Variants in LEKR1 observed in about 807,000 individuals in gnomAD.
LEKR1 encodes the protein protein LEKR1.
Under a neutral mutation model 72.4 loss-of-function variants are expected in LEKR1, and 59 were observed. That is an observed-to-expected ratio of 0.82 (90% CI 0.66 to 1.01). The LOEUF (loss-of-function observed/expected upper bound fraction) is 1.01, where lower values mean the gene tolerates loss of function less well. Among genes scored for constraint, LEKR1 ranks in the 50% least tolerant of loss-of-function variants. LEKR1 has a pLI of 0.00. For synonymous variants in LEKR1, 257 were observed against 263.2 expected (o/e 0.98, Z 0.23); for missense variants, 728 against 759.2 (o/e 0.96, Z 0.48).
At chr3:156,871,710 C>T (rs1009600377) in intron 3 of LEKR1, among the ~76,000 whole-genome samples, 21 of 151,874 alleles carry the variant, frequency 1.4e-4, no homozygotes, top group South Asian at 1.0e-3. Context: ...ATGGCCAGTC[C>T]TTCATTCTTT....
Position 156,840,495 on chromosome 3 carries a change from A to G in LEKR1, c.48+11118A>G, listed in dbSNP as rs190252454. ...ACTTAAATTGTGAGTTATAACCTCA[A>G]ACTTTATCATCAATCTTTCGGGTTT... On this transcript the variant is annotated intron_variant, in intron 2 of 12. Transcript: ENST00000356539. 3.6e-3 allele frequency among the ~76,000 whole-genome samples: 542 copies of G among 152,376 alleles called. 5 individuals are homozygous for G. Among genetic ancestry groups the G allele is most frequent in the African/African-American group, 0.012 (515 of 41,588 alleles).
At chr3:156,855,605 A>T (rs1245837072) in intron 3 of LEKR1, among the ~76,000 whole-genome samples, 2 of 152,128 alleles carry the variant, frequency 1.3e-5, no homozygotes, top group East Asian at 1.9e-4. Context: ...TCTTTTAAAA[A>T]TTTTAATAAT....
intron 12 of LEKR1, among the ~76,000 whole-genome samples, chr3:157,036,269 CAA>C (rs527430730): frequency 5.3e-4 from 80 of 151,242 alleles, no homozygotes; most frequent in Non-Finnish European, 9.7e-4. Flanking sequence ...GAAAAAAGAA[CAA>C]GAGTGAATAT....
rs141879071 is a variant in LEKR1 at position 156,860,807 on chromosome 3, T to C, written c.263+7825T>C. On this transcript the variant is annotated intron_variant, in intron 3 of 12. Transcript: ENST00000356539. ...AGAAAGGGTATGGGCAGCTTAGTGA[T>C]GTCACCAGGAACTCAATCCCTTTCT... 1.7e-3 allele frequency among the ~76,000 whole-genome samples: 261 copies of C among 152,298 alleles called. 7 individuals are homozygous for C. The East Asian group carries it at 0.041, about 24-fold the overall frequency.
At chr3:157,026,106 A>T (rs1734166013) in intron 11 of LEKR1, among the ~76,000 whole-genome samples, 1 of 152,100 alleles carries the variant, frequency 6.6e-6, no homozygotes, top group Non-Finnish European at 1.5e-5. Context: ...TTTGTAAGTG[A>T]AATCCTACTG....
intron 5 of LEKR1, among the ~76,000 whole-genome samples, chr3:156,942,317 T>G (rs1726283857): frequency 6.6e-6 from 1 of 152,072 alleles, no homozygotes; most frequent in East Asian, 1.9e-4. Context: ...TGTTAAAAGA[T>G]TTCATGCATC....
chr3:156,828,763 T>A (rs1219541975), intron 1 of LEKR1, among the ~76,000 whole-genome samples: 1 of 152,228 alleles, frequency 6.6e-6, no homozygotes, highest in South Asian at 2.1e-4. Context: ...ACTTGGCTTC[T>A]TATTTTTTGA....
At chr3:156,866,800 GATTATAA>G (rs1246670389) in intron 3 of LEKR1, among the ~76,000 whole-genome samples, 4 of 151,876 alleles carry the variant, frequency 2.6e-5, no homozygotes, top group Admixed American at 1.3e-4. Flanking sequence ...GCAACCAGTA[GATTATAA>G]ACTACTGGAA....
chr3:156,959,856 A>G (rs749535717), intron 6 of LEKR1, among the ~76,000 whole-genome samples: 2 of 151,942 alleles, frequency 1.3e-5, no homozygotes, highest in Non-Finnish European at 2.9e-5. Context: ...ATAGTCCCTT[A>G]TTTCTTACTT....
chr3:156,889,225 C>T (rs1485149438), intron 3 of LEKR1, among the ~76,000 whole-genome samples: 8 of 151,420 alleles, frequency 5.3e-5, no homozygotes, highest in Admixed American at 5.3e-4. Context: ...TAAAATCTTT[C>T]TAGGGTTGAT....
chr3:157,012,848 G>T (rs1374751606), intron 10 of LEKR1, among the ~76,000 whole-genome samples: 1 of 151,700 alleles, frequency 6.6e-6, no homozygotes, highest in Non-Finnish European at 1.5e-5. Flanking sequence ...TTAGCCTCAG[G>T]GTATTCAACT....
chr3:157,030,996 T>C (rs1734562214), intron 12 of LEKR1, among the ~76,000 whole-genome samples: 1 of 152,160 alleles, frequency 6.6e-6, no homozygotes, highest in Non-Finnish European at 1.5e-5. Context: ...CCAGTGCTTC[T>C]GCTGTATTCC....
intron 10 of LEKR1, chr3:157,017,431 C>T (rs1247617449): frequency 6.6e-6 from 1 of 152,202 alleles, no homozygotes; most frequent in African/African-American, 2.4e-5. Flanking sequence ...CAGGTGTCCC[C>T]ATCCTCCCTT....
At chr3:157,035,671 G>C (rs934372713) in intron 12 of LEKR1, among the ~76,000 whole-genome samples, 2 of 152,144 alleles carry the variant, frequency 1.3e-5, no homozygotes, top group Non-Finnish European at 2.9e-5. Flanking sequence ...GGCCAAGGCA[G>C]GCAGATCACA....
intron 10 of LEKR1, among the ~76,000 whole-genome samples, chr3:157,012,550 C>A (rs1473831813): frequency 6.6e-6 from 1 of 152,106 alleles, no homozygotes; most frequent in Non-Finnish European, 1.5e-5. Context: ...TGCCTCAGAA[C>A]AATTTTAAAT....
intron 3 of LEKR1, among the ~76,000 whole-genome samples, chr3:156,910,131 A>T (rs1314095979): frequency 6.6e-6 from 1 of 152,142 alleles, no homozygotes; most frequent in African/African-American, 2.4e-5. Context: ...CCAATTAGGC[A>T]GAGGTTTTAT....
chr3:156,937,901 TAGCC>T (rs1292296183), intron 5 of LEKR1, among the ~76,000 whole-genome samples: 1 of 152,156 alleles, frequency 6.6e-6, no homozygotes, highest in Non-Finnish European at 1.5e-5. Flanking sequence ...TGAGTGAAAA[TAGCC>T]AGTCTTAAAA....
At chr3:156,975,570 A>G (rs1431343846) in intron 6 of LEKR1, among the ~76,000 whole-genome samples, 1 of 152,204 alleles carries the variant, frequency 6.6e-6, no homozygotes, top group Non-Finnish European at 1.5e-5. Context: ...ATAGCTAATT[A>G]TGAATACCTT....
chr3:156,837,403 G>A (rs947413051), intron 2 of LEKR1, among the ~76,000 whole-genome samples: 1 of 152,194 alleles, frequency 6.6e-6, no homozygotes, highest in Non-Finnish European at 1.5e-5. Context: ...CCCTTTGGAT[G>A]GTGGAGACTG....
Sources: gnomAD v4.1 joint callset for allele counts (sites outside exome capture counted in the v4.1 genomes callset) on GRCh38, gnomAD v4.1.1 for gene constraint, MANE v1.5 for transcripts, NCBI Gene and HGNC (gene_info 2026-07-23, HGNC 2026-07-21) for gene names.